Variants in EXOC6B observed in about 807,000 individuals in gnomAD.
EXOC6B encodes the protein exocyst complex component 6B.
Under a neutral mutation model 113.5 loss-of-function variants are expected in EXOC6B, and 54 were observed. The observed-to-expected ratio is 0.48, with a 90% CI of 0.38 to 0.60. The LOEUF is 0.60. EXOC6B is among the 20% of genes least tolerant of loss of function. The pLI, the probability that EXOC6B is intolerant of heterozygous loss-of-function variation, is 0.00. For synonymous variants in EXOC6B, 357 were observed against 339.0 expected (o/e 1.05, Z -0.58); for missense variants, 797 against 977.5 (o/e 0.82, Z 2.46).
At chr2:72,616,593 G>A (rs956352647) in intron 6 of EXOC6B, among the ~76,000 whole-genome samples, 4 of 152,172 alleles carry the variant, frequency 2.6e-5, no homozygotes, top group African/African-American at 7.2e-5. Flanking sequence ...GAGAGCTTGT[G>A]CAGGGAAGCT....
At chr2:72,553,765 C>A (rs1203979054) in intron 8 of EXOC6B, among the ~76,000 whole-genome samples, 1 of 151,994 alleles carries the variant, frequency 6.6e-6, no homozygotes, top group East Asian at 1.9e-4. Context: ...TATAAAAACA[C>A]TATGCAGGAA....
At chr2:72,471,636 G>A (rs959103458) in intron 17 of EXOC6B, among the ~76,000 whole-genome samples, 17 of 152,048 alleles carry the variant, frequency 1.1e-4, no homozygotes, top group Non-Finnish European at 1.6e-4. Context: ...ATGAAAGATC[G>A]TATCATCAGC....
chr2:72,234,121 C>G (rs924712869), intron 20 of EXOC6B, among the ~76,000 whole-genome samples: 3 of 141,648 alleles, frequency 2.1e-5, no homozygotes, highest in African/African-American at 8.3e-5. Flanking sequence ...GAGTCTTAGG[C>G]TGACGCCTAG....
At chr2:72,634,382 C>T (rs1672685743) in intron 6 of EXOC6B, among the ~76,000 whole-genome samples, 1 of 152,200 alleles carries the variant, frequency 6.6e-6, no homozygotes, top group African/African-American at 2.4e-5. Context: ...ACTGCAGCCC[C>T]ATCATTACCC....
chr2:72,738,590 T>G (rs1166520259), intron 2 of EXOC6B, among the ~76,000 whole-genome samples: 1 of 152,240 alleles, frequency 6.6e-6, no homozygotes. Context: ...GAAAAGCATT[T>G]CAGATACTTT....
At chr2:72,681,305 T>G (rs1169553897) in intron 6 of EXOC6B, among the ~76,000 whole-genome samples, 4 of 152,116 alleles carry the variant, frequency 2.6e-5, no homozygotes, top group African/African-American at 4.8e-5. Flanking sequence ...CCCTCAAAAT[T>G]TATCTCAGTC....
chr2:72,451,205 A>G (rs1368308290), intron 18 of EXOC6B, among the ~76,000 whole-genome samples: 3 of 152,212 alleles, frequency 2.0e-5, no homozygotes, highest in African/African-American at 7.2e-5. Flanking sequence ...CGTGCTCACA[A>G]CTAGGAAAAA....
At chr2:72,782,508 A>C (rs902210769) in intron 1 of EXOC6B, among the ~76,000 whole-genome samples, 2 of 152,200 alleles carry the variant, frequency 1.3e-5, no homozygotes, top group African/African-American at 4.8e-5. Flanking sequence ...CACCTCAAGC[A>C]TTAATCATTC....
intron 18 of EXOC6B, among the ~76,000 whole-genome samples, chr2:72,406,560 C>T (rs903872257): frequency 2.6e-5 from 4 of 152,096 alleles, no homozygotes; most frequent in Non-Finnish European, 5.9e-5. Flanking sequence ...CACTTAAAAC[C>T]GCTCAACGAC....
rs1573839801 is a variant in EXOC6B at position 72,813,608 on chromosome 2, A to AT, written c.113+12189dup. Among the ~76,000 whole-genome samples the AT allele has an allele frequency of 3.3e-5, 5 of 152,194 alleles. No individual in the cohort carries two copies. The East Asian group carries it at 7.7e-4, about 23-fold the overall frequency. ...AACAAAATACTTGGCTAGCTGCATT[A>AT]TTTTTTTCCGTTTTAAAAAATGTAT... On this transcript the variant is annotated intron_variant, in intron 1 of 21. Coordinates refer to ENST00000272427, the MANE Select transcript of EXOC6B (RefSeq NM_015189.3).
chr2:72,427,731 C>T (rs1223718406), intron 18 of EXOC6B, among the ~76,000 whole-genome samples: 1 of 152,098 alleles, frequency 6.6e-6, no homozygotes, highest in African/African-American at 2.4e-5. Flanking sequence ...TGGAAGGGGG[C>T]GGGACCCTGG....
chr2:72,576,873 A>C (rs1456619579), intron 6 of EXOC6B, among the ~76,000 whole-genome samples: 3 of 152,250 alleles, frequency 2.0e-5, no homozygotes, highest in African/African-American at 4.8e-5. Flanking sequence ...TGACCTCTGA[A>C]AGTATACATT....
At chr2:72,279,504 C>T (rs1209871241) in intron 20 of EXOC6B, among the ~76,000 whole-genome samples, 2 of 152,184 alleles carry the variant, frequency 1.3e-5, no homozygotes, top group East Asian at 1.9e-4. Context: ...TTCTGAGCTA[C>T]AGACCATATT....
intron 6 of EXOC6B, among the ~76,000 whole-genome samples, chr2:72,686,278 G>T (rs939463557): frequency 8.5e-5 from 13 of 152,248 alleles, no homozygotes; most frequent in African/African-American, 2.6e-4. Flanking sequence ...TCCAAGGAAT[G>T]AAAGAAGCAT....
chr2:72,196,185 A>C (rs1186876452), intron 20 of EXOC6B, among the ~76,000 whole-genome samples: 1 of 152,224 alleles, frequency 6.6e-6, no homozygotes, highest in Non-Finnish European at 1.5e-5. Context: ...CATAATGAAA[A>C]TGATTCAAGT....
At chr2:72,386,858 A>C (rs1692058480) in intron 18 of EXOC6B, among the ~76,000 whole-genome samples, 3 of 152,190 alleles carry the variant, frequency 2.0e-5, no homozygotes, top group Non-Finnish European at 4.4e-5. Context: ...AAATAAATGT[A>C]ATGTAATTTA....
intron 6 of EXOC6B, among the ~76,000 whole-genome samples, chr2:72,677,876 G>A (rs966675231): frequency 1.3e-5 from 2 of 152,136 alleles, no homozygotes; most frequent in Admixed American, 6.5e-5. Context: ...AGCAATCCAT[G>A]AGGAAGTTAA....
chr2:72,456,393 C>T (rs1305186512), intron 18 of EXOC6B, among the ~76,000 whole-genome samples: 1 of 152,060 alleles, frequency 6.6e-6, no homozygotes, highest in Non-Finnish European at 1.5e-5. Context: ...AATTCAGTTA[C>T]TTTATTATTC....
chr2:72,560,616 T>C (rs1449101903), intron 7 of EXOC6B, among the ~76,000 whole-genome samples: 5 of 152,108 alleles, frequency 3.3e-5, no homozygotes, highest in Non-Finnish European at 7.4e-5. Context: ...AACACCTATG[T>C]TGTTTTCCTT....
Sources: allele counts gnomAD v4.1 joint callset (sites outside exome capture counted in the v4.1 genomes callset), GRCh38; gene constraint gnomAD v4.1.1; transcripts MANE v1.5; gene names NCBI Gene and HGNC (gene_info 2026-07-23, HGNC 2026-07-21).